The following FAM227B variants were observed in gnomAD, a reference collection of about 807,000 sequenced individuals.
The protein encoded by FAM227B is protein FAM227B.
A neutral mutation model predicts 73.8 loss-of-function variants in FAM227B; 88 were observed. The observed-to-expected ratio is 1.19, with a 90% confidence interval of 1.00 to 1.42. The LOEUF is 1.42. FAM227B is among the 40% of genes most tolerant of loss of function. The pLI, the probability that FAM227B is intolerant of heterozygous loss-of-function variation, is 0.00. For synonymous variants in FAM227B, 210 were observed against 190.5 expected, an observed-to-expected ratio of 1.10 and a Z score of -0.84; for missense variants, 632 against 590.9, an observed-to-expected ratio of 1.07 and a Z score of -0.72.
chr15:49,480,725 C>T (rs539721210), intron 11 of FAM227B, among the ~76,000 whole-genome samples: 6 of 152,180 alleles, frequency 3.9e-5, no homozygotes, highest in Admixed American at 6.5e-5. Context: ...TCAAGTGTTC[C>T]GCCTGACTCG....
At chr15:49,610,123 TTC>T (rs1182783274) in intron 3 of FAM227B, among the ~76,000 whole-genome samples, 1 of 152,000 alleles carries the variant, frequency 6.6e-6, no homozygotes, top group African/African-American at 2.4e-5. Flanking sequence ...TATTTACTAC[TTC>T]AAATAATTAG....
intron 11 of FAM227B, among the ~76,000 whole-genome samples, chr15:49,493,872 G>GTA (rs35761163): frequency 0.44 from 65,529 of 147,982 alleles, 17,079 homozygotes; most frequent in Non-Finnish European, 0.59. Flanking sequence ...GTATGTATGT[G>GTA]TATATATATA....
chr15:49,508,415 A>G, intron 10 of FAM227B, 67 bp from the exon 11 acceptor site: 3 of 1,364,820 alleles, frequency 2.2e-6, no homozygotes, highest in Admixed American at 2.6e-5. Flanking sequence ...TAATTTGTCA[A>G]AGCATTTTTA....
At chr15:49,560,309 CCAGT>C (rs1396154868) in intron 9 of FAM227B, among the ~76,000 whole-genome samples, 4 of 151,636 alleles carry the variant, frequency 2.6e-5, no homozygotes, top group Non-Finnish European at 5.9e-5. Context: ...TTGAACTAAC[CCAGT>C]CAGACAAAAA....
chr15:49,605,824 G>A (rs751358635), intron 3 of FAM227B, among the ~76,000 whole-genome samples: 11 of 152,152 alleles, frequency 7.2e-5, no homozygotes, highest in Non-Finnish European at 1.6e-4. Context: ...GGGCTGGCAT[G>A]GAGCTGGAGT....
intron 11 of FAM227B, among the ~76,000 whole-genome samples, chr15:49,379,849 C>G (rs943577298): frequency 6.6e-6 from 1 of 152,204 alleles, no homozygotes; most frequent in Non-Finnish European, 1.5e-5. Context: ...GAAGCCGGCA[C>G]AGCACTGGGT....
At chr15:49,538,961 C>A (rs563303985) in intron 10 of FAM227B, among the ~76,000 whole-genome samples, 2 of 152,112 alleles carry the variant, frequency 1.3e-5, no homozygotes, top group South Asian at 4.1e-4. Flanking sequence ...GGGTCAGTTA[C>A]TAGAAAATTA....
At chr15:49,497,325 T>A (rs1248960359) in intron 11 of FAM227B, among the ~76,000 whole-genome samples, 1 of 152,178 alleles carries the variant, frequency 6.6e-6, no homozygotes, top group Non-Finnish European at 1.5e-5. Flanking sequence ...CAGAGAATTC[T>A]CCACAATGAT....
chr15:49,518,632 A>G (rs1338852161), intron 10 of FAM227B, among the ~76,000 whole-genome samples: 1 of 152,154 alleles, frequency 6.6e-6, no homozygotes, highest in Non-Finnish European at 1.5e-5. Flanking sequence ...TAAAACCTTC[A>G]GATCTCAGGA....
At chr15:49,473,627 TTTTA>T (rs1381593153) in intron 11 of FAM227B, among the ~76,000 whole-genome samples, 3 of 152,128 alleles carry the variant, frequency 2.0e-5, no homozygotes, top group African/African-American at 7.2e-5. Context: ...CCCAGCAATA[TTTTA>T]TTTATGGAGC....
At position 49,446,196 on chromosome 15, in the gene FAM227B, T is replaced by C. The variant is rs138905444; in HGVS notation, c.1012+62015A>G. 9.4e-3 allele frequency among the ~76,000 whole-genome samples: 1,421 copies of C among 151,696 alleles called. 28 individuals are homozygous for C. Among genetic ancestry groups the C allele is most frequent in the African/African-American group, 0.033 (1,351 of 41,482 alleles). On this transcript the variant is annotated intron_variant, in intron 11 of 15. Coordinates refer to ENST00000299338, the MANE Select transcript of FAM227B (RefSeq NM_152647.3). ...CACTCACTGATAAATATGGGAACAC[T>C]TTTTTCTTTTTAAGTTAAGAGCCAC...
intron 2 of FAM227B, among the ~76,000 whole-genome samples, chr15:49,613,499 T>C (rs1327470157): frequency 6.6e-6 from 1 of 152,124 alleles, no homozygotes; most frequent in Non-Finnish European, 1.5e-5. Flanking sequence ...AGACTCTCTC[T>C]AAAAAACAAA....
chr15:49,380,848 C>T (rs989892805), intron 11 of FAM227B, among the ~76,000 whole-genome samples: 7 of 152,096 alleles, frequency 4.6e-5, no homozygotes, highest in African/African-American at 1.7e-4. Context: ...GGCAGAAGCC[C>T]CTTGTGTTAG....
At chr15:49,465,449 G>GT (rs1316957730) in intron 11 of FAM227B, among the ~76,000 whole-genome samples, 3 of 151,814 alleles carry the variant, frequency 2.0e-5, no homozygotes, top group African/African-American at 7.3e-5. Context: ...TTCTTAAAGT[G>GT]TTAATGTGTT....
intron 11 of FAM227B, among the ~76,000 whole-genome samples, chr15:49,391,088 A>G (rs1220511389): frequency 6.6e-6 from 1 of 152,166 alleles, no homozygotes; most frequent in Non-Finnish European, 1.5e-5. Context: ...CAAAAAATTT[A>G]ATTTATATTC....
intron 11 of FAM227B, among the ~76,000 whole-genome samples, chr15:49,483,527 A>T (rs2056140440): frequency 6.6e-6 from 1 of 152,026 alleles, no homozygotes; most frequent in African/African-American, 2.4e-5. Context: ...TTCCATGTGC[A>T]TTTTAGATAT....
intron 11 of FAM227B, among the ~76,000 whole-genome samples, chr15:49,476,641 T>C (rs1365589080): frequency 6.6e-6 from 1 of 152,198 alleles, no homozygotes; most frequent in Non-Finnish European, 1.5e-5. Flanking sequence ...TGGACATAAA[T>C]AAATAATGTA....
intron 3 of FAM227B, among the ~76,000 whole-genome samples, chr15:49,591,305 C>T (rs866145337): frequency 2.8e-4 from 43 of 151,048 alleles, no homozygotes; most frequent in Non-Finnish European, 2.7e-4. Flanking sequence ...CACCTGACCC[C>T]GTAATCCGCC....
At chr15:49,540,555 T>A (rs2070924461) in intron 10 of FAM227B, among the ~76,000 whole-genome samples, 1 of 152,214 alleles carries the variant, frequency 6.6e-6, no homozygotes, top group Admixed American at 6.5e-5. Flanking sequence ...GTGTTGCTCA[T>A]ATCATTTATC....
Sources: gnomAD v4.1 joint callset for allele counts (sites outside exome capture counted in the v4.1 genomes callset) on GRCh38, gnomAD v4.1.1 for gene constraint, MANE v1.5 for transcripts, NCBI Gene and HGNC (gene_info 2026-07-23, HGNC 2026-07-21) for gene names.